Variants in NKAIN2 observed in about 807,000 individuals in gnomAD.
The protein encoded by NKAIN2 is sodium/potassium transporting ATPase interacting 2.
NKAIN2 carries 14 observed loss-of-function variants against 32.6 expected under a neutral mutation model. The ratio of observed to expected loss-of-function variants is 0.43; its 90% CI spans 0.28 to 0.67. NKAIN2 has a LOEUF of 0.67. NKAIN2 is among the 30% of genes least tolerant of loss of function. The pLI, the probability that NKAIN2 is intolerant of heterozygous loss-of-function variation, is 0.17. For missense variants in NKAIN2, 198 were observed against 258.3 expected (o/e 0.77, Z 1.60); for synonymous variants, 80 against 87.2 (o/e 0.92, Z 0.46).
intron 1 of NKAIN2, among the ~76,000 whole-genome samples, chr6:124,103,865 A>G (rs923460913): frequency 6.6e-6 from 1 of 152,054 alleles, no homozygotes; most frequent in African/African-American, 2.4e-5. Flanking sequence ...AGGTGGGCGG[A>G]TCATGAGATC....
intron 1 of NKAIN2, among the ~76,000 whole-genome samples, chr6:124,166,403 G>C (rs985929889): frequency 6.6e-6 from 1 of 152,074 alleles, no homozygotes; most frequent in Non-Finnish European, 1.5e-5. Flanking sequence ...GTTCATTGTA[G>C]ATTCTAGATA....
intron 2 of NKAIN2, among the ~76,000 whole-genome samples, chr6:124,305,670 G>A (rs1365581825): frequency 6.6e-6 from 1 of 152,180 alleles, no homozygotes; most frequent in African/African-American, 2.4e-5. Context: ...CGTGGCAAAA[G>A]GGTGGTAGAC....
At chr6:123,840,761 A>G (rs892362125) in intron 1 of NKAIN2, among the ~76,000 whole-genome samples, 8 of 152,270 alleles carry the variant, frequency 5.3e-5, no homozygotes, top group South Asian at 4.1e-4. Flanking sequence ...CAATAAGACT[A>G]CATTTCATTA....
At chr6:123,995,003 A>C (rs1168263413) in intron 1 of NKAIN2, among the ~76,000 whole-genome samples, 2 of 152,186 alleles carry the variant, frequency 1.3e-5, no homozygotes, top group Non-Finnish European at 2.9e-5. Flanking sequence ...TTGGTAAAGC[A>C]ACGTTAAATT....
At chr6:124,569,012 A>G (rs1055209858) in intron 3 of NKAIN2, among the ~76,000 whole-genome samples, 13 of 152,102 alleles carry the variant, frequency 8.5e-5, no homozygotes, top group African/African-American at 3.1e-4. Flanking sequence ...TGGTTTTGGA[A>G]TCCTAAATTA....
At chr6:124,070,428 G>T (rs973820180) in intron 1 of NKAIN2, among the ~76,000 whole-genome samples, 2 of 152,026 alleles carry the variant, frequency 1.3e-5, no homozygotes, top group African/African-American at 4.8e-5. Flanking sequence ...TCTGCATCTG[G>T]TTATACTTGG....
chr6:124,730,684 G>A (rs1409363139), intron 4 of NKAIN2, among the ~76,000 whole-genome samples: 1 of 148,702 alleles, frequency 6.7e-6, no homozygotes, highest in African/African-American at 2.5e-5. Flanking sequence ...CAAAAGCAAT[G>A]GCAACAAAAG....
At chr6:124,181,910 G>A (rs1294498992) in intron 1 of NKAIN2, among the ~76,000 whole-genome samples, 1 of 152,090 alleles carries the variant, frequency 6.6e-6, no homozygotes, top group Non-Finnish European at 1.5e-5. Context: ...CTGTTACCCA[G>A]TTCCAAAGTC....
intron 1 of NKAIN2, among the ~76,000 whole-genome samples, chr6:124,169,637 G>A (rs565818190): frequency 6.6e-6 from 1 of 152,224 alleles, no homozygotes; most frequent in East Asian, 1.9e-4. Flanking sequence ...CCCTCTCATT[G>A]GCCTGCCTTG....
chr6:123,812,010 C>G (rs1020424421), intron 1 of NKAIN2, among the ~76,000 whole-genome samples: 58 of 152,278 alleles, frequency 3.8e-4, no homozygotes, highest in African/African-American at 1.4e-3. Context: ...ACTAGTTCAG[C>G]AAGACATTCT....
intron 1 of NKAIN2, among the ~76,000 whole-genome samples, chr6:123,923,887 T>C (rs989815130): frequency 4.0e-5 from 6 of 150,914 alleles, no homozygotes; most frequent in African/African-American, 1.5e-4. Flanking sequence ...CACATGTATA[T>C]GTATGTAACT....
Position 124,247,166 on chromosome 6 carries a change from G to A in NKAIN2, c.55-35839G>A, listed in dbSNP as rs189865559. On this transcript the variant is annotated intron_variant, in intron 1 of 6. Coordinates refer to ENST00000368417, the MANE Select transcript of NKAIN2 (RefSeq NM_001040214.3). ...TTGTGCCCACCCAGAATGCAAGGGC[G>A]GGGTCATGGATAACTTTTGGAGCCA... Among the ~76,000 whole-genome samples, 7 of 152,088 alleles carry A rather than the reference G, an allele frequency of 4.6e-5. No individual in the cohort carries two copies. The South Asian group carries it at 8.3e-4, about 18-fold the overall frequency.
At chr6:124,506,618 A>C (rs1372624782) in intron 3 of NKAIN2, among the ~76,000 whole-genome samples, 1 of 152,182 alleles carries the variant, frequency 6.6e-6, no homozygotes, top group Admixed American at 6.5e-5. Flanking sequence ...AAACTTTCCC[A>C]GGGCAAAGAA....
chr6:124,124,246 C>T (rs1198118352), intron 1 of NKAIN2, among the ~76,000 whole-genome samples: 3 of 152,092 alleles, frequency 2.0e-5, no homozygotes. Context: ...ATAGCACCTG[C>T]AACTGTCTAT....
intron 4 of NKAIN2, among the ~76,000 whole-genome samples, chr6:124,700,029 C>T (rs1349658174): frequency 6.6e-6 from 1 of 152,084 alleles, no homozygotes; most frequent in Non-Finnish European, 1.5e-5. Context: ...TAGAATCCAG[C>T]AGAATTCTCT....
intron 2 of NKAIN2, among the ~76,000 whole-genome samples, chr6:124,347,210 A>C (rs1798471482): frequency 6.6e-6 from 1 of 152,168 alleles, no homozygotes; most frequent in Non-Finnish European, 1.5e-5. Flanking sequence ...ATCAGCTGTT[A>C]GTCTGATGGG....
intron 4 of NKAIN2, among the ~76,000 whole-genome samples, chr6:124,725,090 C>G (rs1461984460): frequency 6.6e-6 from 1 of 152,158 alleles, no homozygotes; most frequent in Non-Finnish European, 1.5e-5. Flanking sequence ...TTGACTTAGA[C>G]CCCTTGCTGG....
intron 4 of NKAIN2, among the ~76,000 whole-genome samples, chr6:124,739,016 T>G (rs1459125607): frequency 6.6e-6 from 1 of 151,924 alleles, no homozygotes; most frequent in Non-Finnish European, 1.5e-5. Flanking sequence ...CTCTTAAAGT[T>G]TTATTTATAG....
At chr6:124,246,890 G>A (rs973341517) in intron 1 of NKAIN2, among the ~76,000 whole-genome samples, 4 of 152,006 alleles carry the variant, frequency 2.6e-5, no homozygotes, top group Non-Finnish European at 5.9e-5. Flanking sequence ...TTTATAGGTT[G>A]GAGTTCCAAC....
Sources: gnomAD v4.1 joint callset for allele counts (sites outside exome capture counted in the v4.1 genomes callset) on GRCh38, gnomAD v4.1.1 for gene constraint, MANE v1.5 for transcripts, NCBI Gene and HGNC (gene_info 2026-07-23, HGNC 2026-07-21) for gene names.